KSR2: variants seen among roughly 807,000 people sequenced by gnomAD.
KSR2 encodes the protein kinase suppressor of ras 2.
In KSR2, 25 loss-of-function variants were observed where a neutral mutation model predicts 107.8. That is an observed-to-expected ratio of 0.23 (90% confidence interval 0.17 to 0.32). The LOEUF is 0.32. KSR2 is among the 10% of genes least tolerant of loss of function. The pLI is 1.00. For synonymous variants in KSR2, 480 were observed against 507.0 expected (o/e 0.95, Z 0.71); for missense variants, 887 against 1,268.9 (o/e 0.70, Z 4.57).
chr12:117,633,496 C>A (rs1350246166), intron 5 of KSR2, among the ~76,000 whole-genome samples: 1 of 152,190 alleles, frequency 6.6e-6, no homozygotes, highest in Non-Finnish European at 1.5e-5. Context: ...TTTATTCTCT[C>A]ACGGTTCTAG....
At chr12:117,878,111 G>T (rs145063146) in intron 1 of KSR2, among the ~76,000 whole-genome samples, 15 of 146,962 alleles carry the variant, frequency 1.0e-4, no homozygotes, top group African/African-American at 4.0e-4. Flanking sequence ...AGGAAGAGAA[G>T]CAAGGGGCAA....
chr12:117,835,767 C>T (rs1892184254), intron 3 of KSR2, among the ~76,000 whole-genome samples: 2 of 152,062 alleles, frequency 1.3e-5, no homozygotes, highest in South Asian at 2.1e-4. Context: ...GGACAGTCCC[C>T]ACCACAATTT....
intron 9 of KSR2, among the ~76,000 whole-genome samples, chr12:117,549,991 T>C (rs1448357084): frequency 6.6e-6 from 1 of 152,206 alleles, no homozygotes; most frequent in East Asian, 1.9e-4. Flanking sequence ...CATCTGTGTC[T>C]GAACGGGACC....
chr12:117,801,853 C>T (rs1890843506), intron 3 of KSR2, among the ~76,000 whole-genome samples: 1 of 151,800 alleles, frequency 6.6e-6, no homozygotes, highest in Non-Finnish European at 1.5e-5. Context: ...GGAAGAAGAA[C>T]AGCAGGTGGC....
At chr12:117,510,703 T>C (rs926507817) in intron 14 of KSR2, among the ~76,000 whole-genome samples, 1 of 151,872 alleles carries the variant, frequency 6.6e-6, no homozygotes, top group Non-Finnish European at 1.5e-5. Flanking sequence ...CATGGAGAAA[T>C]CCTGTCTCTA....
At chr12:117,475,478 G>A (rs1250731140) in intron 17 of KSR2, among the ~76,000 whole-genome samples, 2 of 152,038 alleles carry the variant, frequency 1.3e-5, no homozygotes, top group African/African-American at 2.4e-5. Context: ...ACCTCACCCT[G>A]CCCTTGTACT....
At chr12:117,682,613 T>C (rs571795119) in intron 4 of KSR2, among the ~76,000 whole-genome samples, 1 of 152,106 alleles carries the variant, frequency 6.6e-6, no homozygotes, top group African/African-American at 2.4e-5. Context: ...GAGACGGGGT[T>C]TCTCCATGTT....
intron 5 of KSR2, among the ~76,000 whole-genome samples, chr12:117,621,715 C>A (rs950726996): frequency 2.6e-5 from 4 of 152,136 alleles, no homozygotes; most frequent in Non-Finnish European, 5.9e-5. Flanking sequence ...AAGACAATAT[C>A]ATTGGAAGAA....
intron 16 of KSR2, among the ~76,000 whole-genome samples, chr12:117,478,678 T>C (rs1871960723): frequency 6.6e-6 from 1 of 152,148 alleles, no homozygotes; most frequent in Non-Finnish European, 1.5e-5. Flanking sequence ...CTGAAACTCC[T>C]GGCCTCAAGG....
chr12:117,725,171 G>A (rs539410047), intron 4 of KSR2, among the ~76,000 whole-genome samples: 3 of 151,588 alleles, frequency 2.0e-5, no homozygotes, highest in Admixed American at 1.3e-4. Flanking sequence ...GAAATAACAA[G>A]AAGCAAAATA....
intron 13 of KSR2, among the ~76,000 whole-genome samples, 185 bp from the exon 14 acceptor site, chr12:117,525,404 T>C (rs1018801903): frequency 6.6e-6 from 1 of 152,062 alleles, no homozygotes; most frequent in East Asian, 1.9e-4. Flanking sequence ...CATACTACAG[T>C]GAAGGTGCTG....
At chr12:117,780,921 G>A (rs772392103) in intron 3 of KSR2, among the ~76,000 whole-genome samples, 15 of 152,220 alleles carry the variant, frequency 9.9e-5, no homozygotes, top group Non-Finnish European at 1.8e-4. Context: ...GGGTTACGGA[G>A]AGGTTTCCTT....
At chr12:117,601,299 G>GC (rs112490068) in intron 5 of KSR2, among the ~76,000 whole-genome samples, 18,125 of 150,112 alleles carry the variant, frequency 0.12, 1,478 homozygotes, top group Admixed American at 0.17. Flanking sequence ...AGATCTTGGG[G>GC]GGGGGGGTAC....
intron 17 of KSR2, among the ~76,000 whole-genome samples, chr12:117,472,514 T>G (rs1247090520): frequency 6.6e-6 from 1 of 152,204 alleles, no homozygotes; most frequent in African/African-American, 2.4e-5. Flanking sequence ...TGATCTTTCC[T>G]CCACTCTAAG....
intron 1 of KSR2, among the ~76,000 whole-genome samples, chr12:117,887,822 A>T (rs76064374): frequency 0.012 from 1,890 of 152,266 alleles, 17 homozygotes; most frequent in African/African-American, 0.022. Flanking sequence ...AAAAAATTTT[A>T]AAAAACTCTC....
At chr12:117,909,097 T>A (rs1894940804) in intron 1 of KSR2, among the ~76,000 whole-genome samples, 2 of 152,076 alleles carry the variant, frequency 1.3e-5, no homozygotes, top group Non-Finnish European at 2.9e-5. Context: ...ATACCAGTGG[T>A]CTTTGAACTT....
intron 4 of KSR2, among the ~76,000 whole-genome samples, chr12:117,670,941 A>G (rs757434691): frequency 4.6e-5 from 7 of 152,048 alleles, no homozygotes; most frequent in Non-Finnish European, 1.0e-4. Context: ...TCTCCTACCC[A>G]CAGAGTCGGG....
chr12:117,753,773 A>G (rs889128325), intron 4 of KSR2, among the ~76,000 whole-genome samples: 6 of 151,702 alleles, frequency 4.0e-5, no homozygotes, highest in Non-Finnish European at 5.9e-5. Context: ...AAGTTTACCT[A>G]TGTAACAAAC....
At chr12:117,581,686 A>G (rs1879671891) in intron 6 of KSR2, among the ~76,000 whole-genome samples, 1 of 152,160 alleles carries the variant, frequency 6.6e-6, no homozygotes. Context: ...GATGCCTGGT[A>G]TATGCAAACC....
Sources: allele counts gnomAD v4.1 joint callset (sites outside exome capture counted in the v4.1 genomes callset), GRCh38; gene constraint gnomAD v4.1.1; transcripts MANE v1.5; gene names NCBI Gene and HGNC (gene_info 2026-07-23, HGNC 2026-07-21).